The following MYO1E variants were observed in gnomAD, a reference collection of about 807,000 sequenced individuals.
MYO1E encodes the protein myosin IE.
Under a neutral mutation model 151.1 loss-of-function variants are expected in MYO1E, and 68 were observed. The ratio of observed to expected loss-of-function variants is 0.45; its 90% CI spans 0.37 to 0.55. The LOEUF (loss-of-function observed/expected upper bound fraction) is 0.55. Among genes scored for constraint, MYO1E ranks in the 20% least tolerant of loss-of-function variants. The probability of loss-of-function intolerance (pLI) is 0.00; values close to 1 mark genes in which losing one functional copy is unlikely to be tolerated. For synonymous variants in MYO1E, 601 were observed against 501.7 expected, an observed-to-expected ratio of 1.20 and a Z score of -2.64; for missense variants, 1,363 against 1,389.3, an observed-to-expected ratio of 0.98 and a Z score of 0.30.
intron 1 of MYO1E, among the ~76,000 whole-genome samples, chr15:59,361,871 G>A (rs1333986833): frequency 6.6e-6 from 1 of 151,778 alleles, no homozygotes; most frequent in Non-Finnish European, 1.5e-5. Context: ...GAGTCTGGCT[G>A]TATCGCCCAG....
chr15:59,272,034 G>A (rs968636001), intron 2 of MYO1E, among the ~76,000 whole-genome samples: 79 of 152,200 alleles, frequency 5.2e-4, no homozygotes, highest in African/African-American at 1.5e-3. Flanking sequence ...ATTCTGAAAC[G>A]GTGAAAACAA....
At chr15:59,141,445 T>C (rs1158378006) in intron 26 of MYO1E, among the ~76,000 whole-genome samples, 3 of 152,226 alleles carry the variant, frequency 2.0e-5, no homozygotes, top group African/African-American at 4.8e-5. Flanking sequence ...GTAAATGCTA[T>C]GTAAATAGTT....
chr15:59,179,509 C>T (rs1475595682), intron 18 of MYO1E, among the ~76,000 whole-genome samples: 2 of 152,146 alleles, frequency 1.3e-5, no homozygotes, highest in Non-Finnish European at 2.9e-5. Context: ...GATGGGTGCT[C>T]TCTCTGCATG....
At chr15:59,262,739 A>G (rs2080231509) in intron 2 of MYO1E, among the ~76,000 whole-genome samples, 1 of 152,262 alleles carries the variant, frequency 6.6e-6, no homozygotes, top group South Asian at 2.1e-4. Flanking sequence ...AGAAGGTATT[A>G]TTTCTGCTTG....
intron 1 of MYO1E, among the ~76,000 whole-genome samples, chr15:59,281,588 C>T (rs2080353693): frequency 6.6e-6 from 1 of 151,284 alleles, no homozygotes; most frequent in African/African-American, 2.4e-5. Context: ...CATGACTTTT[C>T]TGACATACAC....
intron 9 of MYO1E, among the ~76,000 whole-genome samples, chr15:59,220,580 G>A (rs1003151955): frequency 9.2e-5 from 14 of 152,002 alleles, no homozygotes; most frequent in Non-Finnish European, 1.5e-4. Context: ...AAGAGCAAGA[G>A]AAAGTCTGCT....
intron 1 of MYO1E, among the ~76,000 whole-genome samples, chr15:59,362,861 G>T (rs2080892929): frequency 6.6e-6 from 1 of 151,588 alleles, no homozygotes; most frequent in South Asian, 2.1e-4. Context: ...TTTTGTTGTT[G>T]TATTCTGTAA....
chr15:59,220,414 G>A (rs62004156), intron 9 of MYO1E, among the ~76,000 whole-genome samples: 12 of 152,180 alleles, frequency 7.9e-5, no homozygotes, highest in Non-Finnish European at 1.2e-4. Context: ...GCGCCACTGC[G>A]CTCCAGCCTG....
At chr15:59,203,442 C>T (rs1464406625) in intron 15 of MYO1E, among the ~76,000 whole-genome samples, 1 of 150,792 alleles carries the variant, frequency 6.6e-6, no homozygotes, top group Non-Finnish European at 1.5e-5. Flanking sequence ...TGCAGTGGCG[C>T]GATCTTGGCT....
At position 59,240,576 on chromosome 15, in the gene MYO1E, A is replaced by G. The variant is rs199632730; in HGVS notation, c.333-3904T>C. Among the ~76,000 whole-genome samples the G allele has an allele frequency of 3.9e-5, 6 of 152,206 alleles. No individual in the cohort carries two copies. In the East Asian group the frequency reaches 1.2e-3, roughly 29 times the overall value. ...TCTATTCACTTCAACTTATTCAGCAAATGTAAAAATATTTCAGTTCTTTTT... is the reference window on the plus strand; with the variant it reads ...TCTATTCACTTCAACTTATTCAGCAGATGTAAAAATATTTCAGTTCTTTTT... On this transcript the variant is annotated intron_variant, in intron 4 of 27. Transcript: ENST00000288235.
Position 59,332,485 on chromosome 15 carries a change from C to T in MYO1E, c.3+40013G>A, listed in dbSNP as rs148316094. ...CATTATGTGGCTGACACTAGGGAGGCCACGTCCATTCTCATTAGAATACAC... is the reference window on the plus strand; with the variant it reads ...CATTATGTGGCTGACACTAGGGAGGTCACGTCCATTCTCATTAGAATACAC... On this transcript the variant is annotated intron_variant, in intron 1 of 27. Coordinates refer to ENST00000288235, the MANE Select transcript of MYO1E (RefSeq NM_004998.4). Among the ~76,000 whole-genome samples, 744 of 152,208 alleles carry T rather than the reference C, an allele frequency of 4.9e-3. 11 individuals carry two copies. The highest frequency in any genetic ancestry group is 0.017 in the African/African-American group (711 of 41,522).
In MYO1E at chr15:59,195,496, G is replaced by C; in HGVS notation, c.1770C>G (p.Asn590Lys). The C allele has an allele frequency of 6.2e-7, 1 of 1,614,112 alleles. No homozygotes were observed. Among genetic ancestry groups the C allele is most frequent in the Non-Finnish European group, 8.5e-7 (1 of 1,179,976 alleles). The change falls in exon 17 of 28, where the codon AAC becomes AAG. Residue 590 changes from asparagine to lysine, a missense_variant. Coordinates refer to ENST00000288235, the MANE Select transcript of MYO1E (RefSeq NM_004998.4). ...TPHYIRCIKP[N>K]ETKKPRDWEE... ...CCCAGTCTCTGGGCTTCTTGGTTTC[G>C]TTTGGCTTGATGCAGCGAATGTAGT...
At chr15:59,298,225 A>C (rs575252846) in intron 1 of MYO1E, among the ~76,000 whole-genome samples, 4 of 152,286 alleles carry the variant, frequency 2.6e-5, no homozygotes, top group African/African-American at 9.6e-5. Context: ...TACATTTACA[A>C]ATCTAGTTAT....
At chr15:59,276,681 G>T (rs1237083431) in intron 1 of MYO1E, among the ~76,000 whole-genome samples, 1 of 152,194 alleles carries the variant, frequency 6.6e-6, no homozygotes, top group East Asian at 1.9e-4. Context: ...ACATTTAAGA[G>T]GTGGAACCCA....
chr15:59,354,065 G>C (rs1419547248), intron 1 of MYO1E, among the ~76,000 whole-genome samples: 2 of 152,114 alleles, frequency 1.3e-5, no homozygotes. Flanking sequence ...CTTCACTAAC[G>C]GCTCGATCAA....
At chr15:59,230,691 CAGAT>C (rs1190061119) in intron 6 of MYO1E, among the ~76,000 whole-genome samples, 1 of 152,180 alleles carries the variant, frequency 6.6e-6, no homozygotes, top group Non-Finnish European at 1.5e-5. Context: ...GCAAGTCTAA[CAGAT>C]AGAACCCACC....
intron 3 of MYO1E, among the ~76,000 whole-genome samples, chr15:59,258,229 C>T (rs2080205126): frequency 1.3e-5 from 2 of 152,192 alleles, no homozygotes; most frequent in African/African-American, 4.8e-5. Flanking sequence ...TGCCTGTAAT[C>T]CCAGCTACTC....
intron 18 of MYO1E, among the ~76,000 whole-genome samples, chr15:59,181,566 C>G (rs926924558): frequency 1.3e-5 from 2 of 152,218 alleles, no homozygotes; most frequent in African/African-American, 2.4e-5. Flanking sequence ...ATGGGGCCCA[C>G]CCATGGGGGA....
intron 1 of MYO1E, among the ~76,000 whole-genome samples, chr15:59,363,450 G>A (rs1013863584): frequency 1.3e-5 from 2 of 152,096 alleles, no homozygotes; most frequent in Non-Finnish European, 1.5e-5. Context: ...ACCAAAATTG[G>A]TGATTTTCTA....
Sources: allele counts gnomAD v4.1 joint callset (sites outside exome capture counted in the v4.1 genomes callset), GRCh38; gene constraint gnomAD v4.1.1; transcripts MANE v1.5; gene names NCBI Gene and HGNC (gene_info 2026-07-23, HGNC 2026-07-21).